Variants in FREM1 observed in about 807,000 individuals in gnomAD.
FREM1 encodes FRAS1 related extracellular matrix 1, also known as FRAS1-related extracellular matrix protein 1.
A neutral mutation model predicts 210.1 loss-of-function variants in FREM1; 220 were observed. The observed-to-expected ratio is 1.05, with a 90% CI of 0.94 to 1.17. FREM1 has a LOEUF of 1.17. FREM1 is among the 50% of genes most tolerant of loss of function. The pLI is 0.00. For missense variants in FREM1, 3,454 were observed against 2,675.5 expected, an observed-to-expected ratio of 1.29 and a Z score of -6.42; for synonymous variants, 1,189 against 980.2, an observed-to-expected ratio of 1.21 and a Z score of -3.98.
At position 14,801,872 on chromosome 9, in the gene FREM1, C is replaced by T. The variant is rs1387460202; in HGVS notation, c.3474G>A (p.Val1158=). 5 of 1,606,512 alleles carry T rather than the reference C, an allele frequency of 3.1e-6. No homozygotes were observed. The highest frequency in any genetic ancestry group is 2.7e-5 in the African/African-American group (2 of 74,676). Residue 1158 remains valine, a splice_region_variant and synonymous_variant, in exon 20 of 37, where the codon GTG becomes GTA. Transcript: ENST00000380880. ...APDFVVQNIT[V]CEGQMKELDS... ...CCAGCTCTTTCATCTGACCCTCACA[C>T]ACCTGAGCAAGAACACATGAGAAAA... is the stretch of plus-strand genomic sequence containing the variant.
In FREM1 at chr9:14,763,378, C is replaced by A. The variant is rs911219821; in HGVS notation, c.5205-3477G>T. Among the ~76,000 whole-genome samples the A allele has an allele frequency of 2.6e-5, 4 of 152,230 alleles. No homozygotes were observed. The East Asian group carries it at 7.7e-4, about 29-fold the overall frequency. ...CCCACTTGAGAACTTCTTCCATATGCGGTTTTAATGTGTTCATCACAATAG... is the reference window on the plus strand; with the variant it reads ...CCCACTTGAGAACTTCTTCCATATGAGGTTTTAATGTGTTCATCACAATAG... On this transcript the variant is annotated intron_variant, in intron 27 of 36. Coordinates refer to ENST00000380880, the MANE Select transcript of FREM1 (RefSeq NM_001379081.2).
At chr9:14,785,600 C>A (rs1850300065) in intron 23 of FREM1, among the ~76,000 whole-genome samples, 1 of 152,160 alleles carries the variant, frequency 6.6e-6, no homozygotes, top group Non-Finnish European at 1.5e-5. Context: ...TAATACCATT[C>A]AGCCTTAAAA....
intron 1 of FREM1, among the ~76,000 whole-genome samples, chr9:14,878,409 C>G (rs1834166580): frequency 6.6e-6 from 1 of 152,188 alleles, no homozygotes; most frequent in Non-Finnish European, 1.5e-5. Flanking sequence ...CCCTCCACCT[C>G]TCTACTCTCA....
intron 26 of FREM1, 109 bp downstream of exon 26, chr9:14,770,496 C>T: frequency 5.3e-6 from 4 of 757,844 alleles, no homozygotes; most frequent in Non-Finnish European, 9.0e-6. Context: ...ATCAGTAAGC[C>T]CTGGGGAGTG....
intron 25 of FREM1, chr9:14,773,946 G>C (rs1317896620): frequency 7.6e-6 from 3 of 394,386 alleles, no homozygotes; most frequent in Admixed American, 3.0e-5. Flanking sequence ...ATCAACCTAG[G>C]TTAGGGGAGT....
rs1431630873 is a variant in FREM1 at position 14,851,208 on chromosome 9, G to C, written c.1152+76C>G. On this transcript the variant is annotated intron_variant, in intron 6 of 36. Coordinates refer to ENST00000380880, the MANE Select transcript of FREM1 (RefSeq NM_001379081.2). ...AGGCAATGAATGTACAAAGGAACCT[G>C]AGGGTTTAGGGTAGGGGGTTCTTAA... 8.5e-6 allele frequency: 9 copies of C among 1,061,746 alleles called. No individual in the cohort carries two copies. In the Admixed American group the frequency reaches 2.0e-4, roughly 23 times the overall value. The allele number at this position is 1,061,746 out of a possible 1,614,324, so 65.8% of individuals were successfully genotyped here. A position where few individuals can be genotyped will look rare whatever the true frequency, so the allele number is the denominator to read the frequency against.
chr9:14,844,248 C>T (rs529219058), intron 8 of FREM1, among the ~76,000 whole-genome samples: 29 of 144,950 alleles, frequency 2.0e-4, no homozygotes, highest in Middle Eastern at 7.5e-3. Context: ...TTTCTTTAGA[C>T]GGAGTCTCCC....
chr9:14,829,627 C>T (rs1423262099), intron 10 of FREM1, among the ~76,000 whole-genome samples: 1 of 152,148 alleles, frequency 6.6e-6, no homozygotes, highest in East Asian at 1.9e-4. Flanking sequence ...ATTATGATGT[C>T]ATAAGAAGGC....
chr9:14,861,632 G>A (rs1235205166), intron 3 of FREM1, among the ~76,000 whole-genome samples: 2 of 148,810 alleles, frequency 1.3e-5, no homozygotes, highest in South Asian at 2.1e-4. Flanking sequence ...TTAGCCTCCC[G>A]AATAGCTGGG....
chr9:14,749,915 T>C (rs767997761), intron 30 of FREM1, among the ~76,000 whole-genome samples: 1 of 152,228 alleles, frequency 6.6e-6, no homozygotes, highest in South Asian at 2.1e-4. Context: ...CGGCACTGAC[T>C]TGTTGCTTTT....
intron 27 of FREM1, among the ~76,000 whole-genome samples, chr9:14,763,001 T>C (rs1845782075): frequency 1.3e-5 from 2 of 152,178 alleles, no homozygotes; most frequent in Admixed American, 1.3e-4. Context: ...TAGATAAGGA[T>C]TGGTTCATAT....
At chr9:14,805,548 G>A (rs1588092725) in intron 18 of FREM1, among the ~76,000 whole-genome samples, 1 of 152,198 alleles carries the variant, frequency 6.6e-6, no homozygotes, top group Non-Finnish European at 1.5e-5. Context: ...CAAAACAAGA[G>A]TCAATCAATC....
At chr9:14,770,262 C>A (rs1055320918) in intron 26 of FREM1, among the ~76,000 whole-genome samples, 2 of 152,040 alleles carry the variant, frequency 1.3e-5, no homozygotes, top group African/African-American at 4.8e-5. Flanking sequence ...GATCTGACAT[C>A]ATTTAGAGTC....
intron 16 of FREM1, among the ~76,000 whole-genome samples, chr9:14,810,845 T>C (rs1361848937): frequency 6.6e-6 from 1 of 152,166 alleles, no homozygotes; most frequent in Non-Finnish European, 1.5e-5. Flanking sequence ...CAGTGACTCT[T>C]TTAGATATGT....
rs766321552 is a variant in FREM1, at chr9:14,801,665, T to C, written c.3681A>G (p.Glu1227=). ...KHAPVHSFSM[E]LLKTGMRLTY... is the part of the protein sequence containing the mutation. The stretch of plus-strand genomic sequence containing the variant: ...AACATGCTATACCAGTCTTGAGGAG[T>C]TCCATGGAAAAGCTGTGAACAGGTG... Residue 1227 remains glutamate (E), a synonymous_variant, in exon 20 of 37, where the codon GAA becomes GAG. Coordinates refer to ENST00000380880, the MANE Select transcript of FREM1 (RefSeq NM_001379081.2). 94 of 1,610,082 alleles carry C rather than the reference T, an allele frequency of 5.8e-5. No homozygotes were observed. The highest frequency in any genetic ancestry group is 7.6e-5 in the Non-Finnish European group (90 of 1,176,742).
chr9:14,806,646 G>C lies in FREM1; in HGVS notation c.3274+15C>G, dbSNP rs140230403. 8.8e-6 allele frequency: 13 copies of C among 1,469,892 alleles called. No individual in the cohort carries two copies. The highest frequency in any genetic ancestry group is 1.2e-5 in the Non-Finnish European group (13 of 1,060,162). 91.1% of individuals were successfully genotyped at this position (1,469,892 alleles called of 1,614,324 possible). On this transcript the variant is annotated intron_variant, in intron 18 of 36. Coordinates refer to ENST00000380880, the MANE Select transcript of FREM1 (RefSeq NM_001379081.2). Reference sequence around the variant, plus strand: ...AAGGAAGGGAGTCATTGCTGGTGACGAAGCTACAGCTTACCTATACTTATG... The same window carrying C: ...AAGGAAGGGAGTCATTGCTGGTGACCAAGCTACAGCTTACCTATACTTATG...
intron 1 of FREM1, among the ~76,000 whole-genome samples, chr9:14,871,567 T>C (rs532411680): frequency 2.0e-4 from 30 of 152,292 alleles, no homozygotes; most frequent in African/African-American, 7.0e-4. Flanking sequence ...CTTTGTCAAA[T>C]GAGTAGGTTG....
chr9:14,872,513 G>C (rs1327668295), intron 1 of FREM1, among the ~76,000 whole-genome samples: 1 of 152,146 alleles, frequency 6.6e-6, no homozygotes, highest in African/African-American at 2.4e-5. Context: ...TTTGTATATT[G>C]ATTTTGTATC....
intron 24 of FREM1, among the ~76,000 whole-genome samples, chr9:14,781,936 C>T (rs1330669825): frequency 6.6e-6 from 1 of 152,220 alleles, no homozygotes; most frequent in Non-Finnish European, 1.5e-5. Context: ...AACTCCTGAC[C>T]TCAGGTGATC....
Sources: allele counts gnomAD v4.1 joint callset (sites outside exome capture counted in the v4.1 genomes callset), GRCh38; gene constraint gnomAD v4.1.1; transcripts MANE v1.5; gene names NCBI Gene and HGNC (gene_info 2026-07-23, HGNC 2026-07-21).